Variants in CUBN observed in about 807,000 individuals in gnomAD.
The protein encoded by CUBN is cubilin.
CUBN carries 282 observed loss-of-function variants against 405.3 expected under a neutral mutation model. The observed-to-expected ratio is 0.70, with a 90% CI of 0.63 to 0.77. CUBN has a LOEUF of 0.77. CUBN is among the 30% of genes least tolerant of loss of function. The pLI is 0.00. For missense variants in CUBN, 4,514 were observed against 4,475.2 expected (o/e 1.01, Z -0.25); for synonymous variants, 1,684 against 1,617.0 (o/e 1.04, Z -0.99).
chr10:17,087,466 C>CTTTTTATTTTTTTTTTTTT (rs879308596), intron 15 of CUBN, among the ~76,000 whole-genome samples: 1 of 79,772 alleles, frequency 1.3e-5, no homozygotes, highest in Non-Finnish European at 2.3e-5. Context: ...TATTATTTTT[C>CTTTTTATTTTTTTTTTTTT]TTTTTCTTTT....
chr10:16,929,926 G>A (rs1000680727), intron 40 of CUBN, among the ~76,000 whole-genome samples: 1 of 152,140 alleles, frequency 6.6e-6, no homozygotes, highest in African/African-American at 2.4e-5. Context: ...GTGAAACAAT[G>A]CTTATCTCAA....
intron 21 of CUBN, 50 bp downstream of exon 21, chr10:17,068,014 G>A (rs771955325): frequency 7.0e-7 from 1 of 1,433,930 alleles, no homozygotes. Context: ...CACTGAAGCA[G>A]GAAATCAGTG....
At chr10:17,056,509 T>C (rs1835399482) in intron 22 of CUBN, among the ~76,000 whole-genome samples, 2 of 151,910 alleles carry the variant, frequency 1.3e-5, no homozygotes, top group South Asian at 4.2e-4. Context: ...CTCGGGAGGC[T>C]GAGGCAAGAG....
chr10:16,960,564 T>A (rs1010409618), intron 31 of CUBN, among the ~76,000 whole-genome samples: 6 of 152,124 alleles, frequency 3.9e-5, no homozygotes, highest in African/African-American at 1.4e-4. Context: ...GGAGACTTTT[T>A]AAAAAGTACA....
intron 65 of CUBN, among the ~76,000 whole-genome samples, chr10:16,829,648 T>G (rs1157218423): frequency 6.6e-6 from 1 of 152,226 alleles, no homozygotes; most frequent in Non-Finnish European, 1.5e-5. Context: ...AAGGCTGTCA[T>G]GATTTAGACT....
intron 6 of CUBN, among the ~76,000 whole-genome samples, chr10:17,117,175 A>C: frequency 6.7e-6 from 1 of 150,354 alleles, no homozygotes. Context: ...TCCTTCTCAT[A>C]TTGTTTTCTT....
intron 64 of CUBN, among the ~76,000 whole-genome samples, chr10:16,832,281 A>G (rs1384139885): frequency 6.6e-6 from 1 of 152,188 alleles, no homozygotes; most frequent in Non-Finnish European, 1.5e-5. Context: ...TTACTGATCT[A>G]TGTATTCAAA....
intron 56 of CUBN, among the ~76,000 whole-genome samples, chr10:16,878,607 C>T (rs1840581550): frequency 6.6e-6 from 1 of 152,140 alleles, no homozygotes. Context: ...ATTGGTGTTG[C>T]CGACTTACTC....
rs1347985065 is a variant in CUBN at position 16,824,760 on chromosome 10, T to C, written c.*215A>G. Reference sequence around the variant, plus strand: ...GTCTCAAACTCCTGACCTCAGGTGATCAACCTGCCTCGGCCTCCCAAAGTG... The same window carrying C: ...GTCTCAAACTCCTGACCTCAGGTGACCAACCTGCCTCGGCCTCCCAAAGTG... On this transcript the variant is annotated 3_prime_UTR_variant, in exon 67 of 67. Transcript: ENST00000377833. 3 of 505,480 alleles carry C rather than the reference T, an allele frequency of 5.9e-6. No individual in the cohort carries two copies. The East Asian group carries it at 1.3e-4, about 21-fold the overall frequency. The allele number at this position is 505,480 out of a possible 1,614,324, so 31.3% of individuals were successfully genotyped here.
chr10:16,836,359 C>G lies in CUBN; in HGVS notation c.10056G>C (p.Gln3352His), dbSNP rs1411491962. 6.2e-7 allele frequency: 1 copy of G among 1,614,020 alleles called. No individual in the cohort carries two copies. ...CAGCCGAAGCATTTCTGCCACAGAACTGAAATCTTGAATTTCCGTGACCCT... is the reference window on the plus strand; with the variant it reads ...CAGCCGAAGCATTTCTGCCACAGAAGTGAAATCTTGAATTTCCGTGACCCT... ...SPQGHGNSRF[Q>H]FCGRNASAVP... The change falls in exon 63 of 67, where the codon CAG (glutamine) becomes CAC (histidine). Residue 3352 changes from glutamine (Q) to histidine (H), a missense_variant. Transcript: ENST00000377833.
At chr10:16,920,821 C>G (rs1428465493) in intron 43 of CUBN, among the ~76,000 whole-genome samples, 1 of 152,126 alleles carries the variant, frequency 6.6e-6, no homozygotes, top group Non-Finnish European at 1.5e-5. Context: ...ATGAAATTAA[C>G]CTGTCCAATC....
chr10:17,058,466 A>C (rs984831686), intron 22 of CUBN, among the ~76,000 whole-genome samples: 4 of 152,072 alleles, frequency 2.6e-5, no homozygotes, highest in African/African-American at 9.7e-5. Flanking sequence ...TAATTCAGAT[A>C]TCTAATAAAG....
At chr10:17,045,306 A>G in intron 24 of CUBN, 118 bp from the exon 25 acceptor site, 1 of 980,772 alleles carries the variant, frequency 1.0e-6, no homozygotes, top group Middle Eastern at 3.1e-4. Context: ...GCACAGCAAA[A>G]TGGCATCATG....
chr10:17,098,366 A>C (rs1360189516), intron 14 of CUBN, among the ~76,000 whole-genome samples: 1 of 152,242 alleles, frequency 6.6e-6, no homozygotes, highest in Non-Finnish European at 1.5e-5. Flanking sequence ...ATGTTCTACA[A>C]CACTAAATTT....
chr10:16,938,536 C>T (rs143735541), intron 38 of CUBN, among the ~76,000 whole-genome samples: 23 of 152,128 alleles, frequency 1.5e-4, no homozygotes, highest in African/African-American at 4.3e-4. Context: ...TGTAAGCATC[C>T]GATTGTGTTT....
intron 24 of CUBN, 33 bp downstream of exon 24, chr10:17,045,901 T>G: frequency 6.2e-7 from 1 of 1,610,922 alleles, no homozygotes; most frequent in Non-Finnish European, 8.5e-7. Context: ...TCAGATTGGC[T>G]TCTCCAGTAA....
At chr10:17,090,511 A>C (rs1836230921) in intron 14 of CUBN, among the ~76,000 whole-genome samples, 1 of 152,134 alleles carries the variant, frequency 6.6e-6, no homozygotes. Flanking sequence ...GAGAAAAATG[A>C]AAGAAATATT....
intron 8 of CUBN, 30 bp from the exon 9 acceptor site, chr10:17,111,080 G>C (rs756395137): frequency 3.1e-6 from 5 of 1,613,008 alleles, no homozygotes; most frequent in Middle Eastern, 1.6e-4. Flanking sequence ...TAAAAGTTTA[G>C]CTCTATAGAC....
rs1481081623 is a variant in CUBN, at chr10:16,852,668, A to G, written c.9455-1225T>C. Among the ~76,000 whole-genome samples, 6 of 152,318 alleles carry G rather than the reference A, an allele frequency of 3.9e-5. No homozygotes were observed. In the East Asian group the frequency reaches 9.6e-4, roughly 24 times the overall value. ...GGATTGCTGATGTGATTTATTGAAG[A>G]TTTTCCTGGCCTTGAAAAATCCAGT... On this transcript the variant is annotated intron_variant, in intron 59 of 66. Transcript: ENST00000377833.
Sources: allele counts gnomAD v4.1 joint callset (sites outside exome capture counted in the v4.1 genomes callset), GRCh38; gene constraint gnomAD v4.1.1; transcripts MANE v1.5; gene names NCBI Gene and HGNC (gene_info 2026-07-23, HGNC 2026-07-21).